KATNIP: variants seen among roughly 807,000 people sequenced by gnomAD.
KATNIP encodes katanin interacting protein, also known as katanin-interacting protein.
KATNIP carries 126 observed loss-of-function variants against 174.0 expected under a neutral mutation model. The ratio of observed to expected loss-of-function variants is 0.72; its 90% confidence interval spans 0.63 to 0.84. The LOEUF (loss-of-function observed/expected upper bound fraction) is 0.84, where lower values mean the gene tolerates loss of function less well. KATNIP is among the 40% of genes least tolerant of loss of function. KATNIP has a pLI of 0.00. For synonymous variants in KATNIP, 810 were observed against 835.7 expected, an observed-to-expected ratio of 0.97 and a Z score of 0.53; for missense variants, 1,958 against 2,109.7, an observed-to-expected ratio of 0.93 and a Z score of 1.41.
At chr16:27,570,089 TAATGTAACTGAACGACTG>T (rs2090231848) in intron 1 of KATNIP, among the ~76,000 whole-genome samples, 1 of 152,128 alleles carries the variant, frequency 6.6e-6, no homozygotes, top group South Asian at 2.1e-4. Flanking sequence ...TTCTTTGCAT[TAATGTAACTGAACGACTG>T]AACGCAGGTC....
intron 22 of KATNIP, 150 bp downstream of exon 22, chr16:27,771,802 GGTCCTC>G: frequency 1.4e-6 from 1 of 719,084 alleles, no homozygotes; most frequent in Non-Finnish European, 2.3e-6. Context: ...AGGCCTCCTG[GGTCCTC>G]AGGGCCACTA....
At chr16:27,763,619 CAAAAAAAAAAA>C (rs565418198) in intron 19 of KATNIP, among the ~76,000 whole-genome samples, 381 of 50,714 alleles carry the variant, frequency 7.5e-3, no homozygotes, top group Non-Finnish European at 0.012. Flanking sequence ...TGTCTCAACA[CAAAAAAAAAAA>C]AAAAAAAAGA....
intron 8 of KATNIP, among the ~76,000 whole-genome samples, chr16:27,688,330 C>T (rs1263676049): frequency 6.6e-6 from 1 of 152,158 alleles, no homozygotes; most frequent in African/African-American, 2.4e-5. Flanking sequence ...TGGTGACTCA[C>T]ACCTGTAATC....
Position 27,777,776 on chromosome 16 carries a change from G to A in KATNIP, c.4712+6G>A. 6.2e-7 allele frequency: 1 copy of A among 1,612,814 alleles called. No individual in the cohort carries two copies. The highest frequency in any genetic ancestry group is 8.5e-7 in the Non-Finnish European group (1 of 1,179,198). ...GAGAAACACACCACCATCAGGTAGG[G>A]CCCCAGCCGGCCCCATGGCCTCCCC... On this transcript the variant is annotated splice_donor_region_variant and intron_variant, in intron 26 of 27. Coordinates refer to ENST00000261588, the MANE Select transcript of KATNIP (RefSeq NM_015202.5). This position sits in a 1 kb window ranked among gnomAD's most constrained non-coding sequence, Gnocchi z 4.4.
intron 6 of KATNIP, among the ~76,000 whole-genome samples, chr16:27,663,375 G>A (rs1042713873): frequency 2.0e-5 from 3 of 150,602 alleles, no homozygotes; most frequent in Admixed American, 6.6e-5. Flanking sequence ...TATTTACTCT[G>A]CAAATTTTAC....
intron 1 of KATNIP, among the ~76,000 whole-genome samples, chr16:27,554,798 T>C (rs1352899470): frequency 6.9e-6 from 1 of 144,216 alleles, no homozygotes; most frequent in African/African-American, 2.7e-5. Context: ...ACTTTTTTTT[T>C]TTTTTTTTTT....
At chr16:27,608,177 GT>G (rs1026279535) in intron 2 of KATNIP, among the ~76,000 whole-genome samples, 4 of 139,510 alleles carry the variant, frequency 2.9e-5, no homozygotes, top group South Asian at 2.3e-4. Context: ...TCCAATTCTA[GT>G]TTTTTTTTCC....
chr16:27,742,667 G>T (rs994049893), intron 15 of KATNIP, among the ~76,000 whole-genome samples: 2 of 152,154 alleles, frequency 1.3e-5, no homozygotes, highest in African/African-American at 2.4e-5. Flanking sequence ...TACATGGGGT[G>T]CTGGGAGAAT....
At chr16:27,668,696 G>A (rs780583774) in intron 6 of KATNIP, among the ~76,000 whole-genome samples, 16 of 152,166 alleles carry the variant, frequency 1.1e-4, no homozygotes, top group Non-Finnish European at 1.6e-4. Flanking sequence ...CTGCACTGGC[G>A]TGTTAGGAGG....
chr16:27,676,091 G>A (rs983154401), intron 6 of KATNIP, among the ~76,000 whole-genome samples: 4 of 152,122 alleles, frequency 2.6e-5, no homozygotes, highest in African/African-American at 9.7e-5. Flanking sequence ...CCAAGTCCTG[G>A]TTCCCTTTTC....
intron 2 of KATNIP, among the ~76,000 whole-genome samples, chr16:27,581,270 C>A (rs760617268): frequency 1.9e-4 from 29 of 152,184 alleles, no homozygotes; most frequent in Non-Finnish European, 3.4e-4. Context: ...TATTCTGGAG[C>A]AGACATCCCT....
intron 3 of KATNIP, 93 bp from the exon 4 acceptor site, chr16:27,628,568 C>G (rs1343381587): frequency 1.3e-5 from 18 of 1,347,700 alleles, no homozygotes; most frequent in Non-Finnish European, 1.8e-5. Context: ...AGAGACGCTT[C>G]ACTGTGGGAA....
In KATNIP at chr16:27,740,595, G is replaced by A. The variant is rs746345800; in HGVS notation, c.2298G>A (p.Gln766=). 46 of 1,614,112 alleles carry A rather than the reference G, an allele frequency of 2.8e-5. No homozygotes were observed. The South Asian group carries it at 4.8e-4, about 17-fold the overall frequency. Reference sequence around the variant, plus strand: ...CTCCCACCGGCAAGGACAGGAAGCAGGGAGGCAGGAAGCCAAAACCCCTCT... The same window carrying A: ...CTCCCACCGGCAAGGACAGGAAGCAAGGAGGCAGGAAGCCAAAACCCCTCT... ...QPSPTGKDRK[Q]GGRKPKPLWL... is the part of the protein sequence containing the mutation. The change falls in exon 15 of 28, where the codon CAG becomes CAA. Residue 766 remains glutamine, a synonymous_variant. Coordinates refer to ENST00000261588, the MANE Select transcript of KATNIP (RefSeq NM_015202.5).
rs1232875094 is a variant in KATNIP, at chr16:27,704,889, GTTCTT to G, written c.1389+899_1389+903del. On this transcript the variant is annotated intron_variant, in intron 12 of 27. Transcript: ENST00000261588. ...TAGGATTAACGGTGATTCGATTTTC[GTTCTT>G]TTCTTTTTTTTCTTTTTTTTTTTTT... Among the ~76,000 whole-genome samples the G allele has an allele frequency of 6.1e-5, 9 of 147,512 alleles. No individual in the cohort carries two copies. The East Asian group carries it at 1.4e-3, about 23-fold the overall frequency.
chr16:27,699,932 A>G (rs924575519), intron 10 of KATNIP, among the ~76,000 whole-genome samples: 6 of 151,256 alleles, frequency 4.0e-5, no homozygotes, highest in Non-Finnish European at 5.9e-5. Context: ...TTTTTTTGAG[A>G]CAGAATCTCA....
chr16:27,581,834 CA>C (rs2090711969), intron 2 of KATNIP, among the ~76,000 whole-genome samples: 1 of 152,164 alleles, frequency 6.6e-6, no homozygotes, highest in African/African-American at 2.4e-5. Context: ...TAAGTGAAAA[CA>C]CACAATGTTT....
In KATNIP at chr16:27,586,379, A is replaced by G. The variant is rs866431055; in HGVS notation, c.63+12423A>G. Among the ~76,000 whole-genome samples the G allele has an allele frequency of 2.8e-4, 43 of 152,254 alleles. 1 individual carries two copies. The highest frequency in any genetic ancestry group is 1.0e-3 in the African/African-American group (43 of 41,564). ...TCCTAGCATTTTGGGAGGCTTAGGCAGGAGGATCACTTGAGCCCAGGAGTT... is the reference window on the plus strand; with the variant it reads ...TCCTAGCATTTTGGGAGGCTTAGGCGGGAGGATCACTTGAGCCCAGGAGTT... On this transcript the variant is annotated intron_variant, in intron 2 of 27. Transcript: ENST00000261588.
At chr16:27,588,637 T>C (rs2090993500) in intron 2 of KATNIP, among the ~76,000 whole-genome samples, 1 of 151,996 alleles carries the variant, frequency 6.6e-6, no homozygotes, top group Non-Finnish European at 1.5e-5. Flanking sequence ...TCCATGTTTT[T>C]TAATGCATCA....
At chr16:27,699,973 C>G (rs559697839) in intron 10 of KATNIP, among the ~76,000 whole-genome samples, 7 of 151,936 alleles carry the variant, frequency 4.6e-5, no homozygotes, top group African/African-American at 1.7e-4. Flanking sequence ...TGCAATGGTG[C>G]AATCTCGGCT....
Sources: gnomAD v4.1 joint callset for allele counts (sites outside exome capture counted in the v4.1 genomes callset) on GRCh38, gnomAD v4.1.1 for gene constraint, Gnocchi (gnomAD v3.1) non-coding constraint, MANE v1.5 for transcripts, NCBI Gene and HGNC (gene_info 2026-07-23, HGNC 2026-07-21) for gene names.